GALNTL5: variants seen among roughly 807,000 people sequenced by gnomAD.
GALNTL5 encodes the protein polypeptide N-acetylgalactosaminyltransferase like 5.
In GALNTL5, 44 loss-of-function variants were observed where a neutral mutation model predicts 51.0. That is an observed-to-expected ratio of 0.86 (90% confidence interval 0.68 to 1.11). GALNTL5 has a LOEUF of 1.11. Among genes scored for constraint, GALNTL5 ranks in the 50% least tolerant of loss-of-function variants. The probability of loss-of-function intolerance (pLI) is 0.00; values close to 1 mark genes in which losing one functional copy is unlikely to be tolerated. For synonymous variants in GALNTL5, 192 were observed against 182.8 expected, an observed-to-expected ratio of 1.05 and a Z score of -0.41; for missense variants, 528 against 531.8, an observed-to-expected ratio of 0.99 and a Z score of 0.07.
intron 5 of GALNTL5, among the ~76,000 whole-genome samples, chr7:151,996,193 TC>T (rs2081497539): frequency 2.0e-5 from 3 of 151,890 alleles, no homozygotes; most frequent in Admixed American, 2.0e-4. Flanking sequence ...CACACCACAT[TC>T]TTTTTTTTTA....
At chr7:151,972,219 G>T (rs1255371043) in intron 3 of GALNTL5, among the ~76,000 whole-genome samples, 2 of 152,192 alleles carry the variant, frequency 1.3e-5, no homozygotes, top group Non-Finnish European at 2.9e-5. Context: ...CCAGGCTGAG[G>T]TGGTCTCAGA....
intron 1 of GALNTL5, among the ~76,000 whole-genome samples, chr7:151,963,793 G>T (rs751126027): frequency 3.3e-5 from 5 of 152,116 alleles, no homozygotes; most frequent in Non-Finnish European, 5.9e-5. Flanking sequence ...CTGTTCCTCT[G>T]GTTGTATGAC....
At chr7:152,013,414 T>C (rs1475966576) in intron 7 of GALNTL5, among the ~76,000 whole-genome samples, 1 of 151,852 alleles carries the variant, frequency 6.6e-6, no homozygotes, top group Non-Finnish European at 1.5e-5. Context: ...ATCAGCTAGC[T>C]TTTGCTGTAT....
chr7:151,985,357 T>C (rs1200152881), intron 4 of GALNTL5, among the ~76,000 whole-genome samples: 1 of 152,170 alleles, frequency 6.6e-6, no homozygotes, highest in East Asian at 1.9e-4. Flanking sequence ...CTTCTCCTCC[T>C]CTATCTGAGC....
intron 3 of GALNTL5, among the ~76,000 whole-genome samples, chr7:151,982,367 T>C (rs1256859665): frequency 1.3e-5 from 2 of 152,164 alleles, no homozygotes; most frequent in Non-Finnish European, 2.9e-5. Context: ...TGAGCCAAGA[T>C]GACACCATTA....
chr7:152,019,261 A>G (rs1486700083), intron 8 of GALNTL5, among the ~76,000 whole-genome samples: 1 of 152,160 alleles, frequency 6.6e-6, no homozygotes, highest in African/African-American at 2.4e-5. Flanking sequence ...TCCCTTTACT[A>G]CATCATCCCC....
At chr7:151,990,583 A>AAAAAAAAAAAAAAAG (rs1271564097) in intron 5 of GALNTL5, among the ~76,000 whole-genome samples, 1 of 145,710 alleles carries the variant, frequency 6.9e-6, no homozygotes, top group Non-Finnish European at 1.5e-5. Context: ...TCCATCTCAA[A>AAAAAAAAAAAAAAAG]AAAAAAAAAG....
At chr7:151,967,165 T>C (rs1313116104) in intron 1 of GALNTL5, 43 bp from the exon 2 acceptor site, 3 of 1,297,198 alleles carry the variant, frequency 2.3e-6, no homozygotes, top group Non-Finnish European at 3.2e-6. Flanking sequence ...CTACAAACCA[T>C]TGGAATATCT....
chr7:151,990,945 A>G (rs921492809), intron 5 of GALNTL5, among the ~76,000 whole-genome samples: 1 of 152,188 alleles, frequency 6.6e-6, no homozygotes, highest in Non-Finnish European at 1.5e-5. Flanking sequence ...TCATTTTGGA[A>G]TCTTATTATT....
chr7:152,012,882 G>T (rs143691064), intron 7 of GALNTL5, among the ~76,000 whole-genome samples: 1 of 152,044 alleles, frequency 6.6e-6, no homozygotes, highest in Non-Finnish European at 1.5e-5. Flanking sequence ...CATGAGAATC[G>T]CTTGAACCTG....
chr7:151,961,910 G>T (rs1242929190), intron 1 of GALNTL5, among the ~76,000 whole-genome samples: 1 of 151,426 alleles, frequency 6.6e-6, no homozygotes, highest in Admixed American at 6.6e-5. Context: ...AAGAAAATCA[G>T]CAGGTCCCTG....
chr7:152,014,589 T>C lies in GALNTL5; in HGVS notation c.1027-55T>C, dbSNP rs952571343. 9 of 1,525,116 alleles carry C rather than the reference T, an allele frequency of 5.9e-6. No homozygotes were observed. In the Admixed American group the frequency reaches 1.8e-4, roughly 31 times the overall value. 94.5% of individuals were successfully genotyped at this position (1,525,116 alleles called of 1,614,324 possible). A position where few individuals can be genotyped will look rare whatever the true frequency, so the allele number is the denominator to read the frequency against. ...GGCCATTATATTGGTTTAAAAGCAG[T>C]TGCCTGTTAGCAGTAATAATGCATT... On this transcript the variant is annotated intron_variant, in intron 7 of 8. Transcript: ENST00000392800.
At chr7:151,974,117 T>TTTTTTTGTGA (rs1362836180) in intron 3 of GALNTL5, among the ~76,000 whole-genome samples, 12,404 of 129,746 alleles carry the variant, frequency 0.096, 3,628 homozygotes, top group Middle Eastern at 0.16. Context: ...TTACCCAGTC[T>TTTTTTTGTGA]CAGGTGGTAT....
rs376459512 is a variant in GALNTL5, at chr7:152,007,959, A to C, written c.1026+15A>C. The C allele has an allele frequency of 5.4e-6, 7 of 1,306,072 alleles. No individual in the cohort carries two copies. The highest frequency in any genetic ancestry group is 7.8e-6 in the Non-Finnish European group (7 of 901,564). The allele number at this position is 1,306,072 out of a possible 1,614,324, so 80.9% of individuals were successfully genotyped here. ...TTTCACTAAGGGTAATTCAGATTTC[A>C]TTTTTAAAATAGCTATAGAGAGTGA... is the stretch of plus-strand genomic sequence containing the variant. On this transcript the variant is annotated intron_variant, in intron 7 of 8. Transcript: ENST00000392800.
At chr7:151,981,774 A>C (rs1231967578) in intron 3 of GALNTL5, among the ~76,000 whole-genome samples, 3 of 150,228 alleles carry the variant, frequency 2.0e-5, no homozygotes. Context: ...TAGCCTCCTA[A>C]GTAGCTGGAA....
chr7:151,983,675 G>A (rs769217315), intron 4 of GALNTL5, among the ~76,000 whole-genome samples: 2 of 152,130 alleles, frequency 1.3e-5, no homozygotes, highest in Non-Finnish European at 2.9e-5. Flanking sequence ...AAACATAGGG[G>A]CACCGGCCAC....
intron 1 of GALNTL5, among the ~76,000 whole-genome samples, chr7:151,965,743 C>T (rs1235251191): frequency 6.6e-6 from 1 of 151,856 alleles, no homozygotes; most frequent in Non-Finnish European, 1.5e-5. Flanking sequence ...AATAATTAGC[C>T]ACGCGTGGTG....
chr7:151,999,785 A>G (rs963460125), intron 5 of GALNTL5, among the ~76,000 whole-genome samples: 2 of 152,258 alleles, frequency 1.3e-5, no homozygotes, highest in East Asian at 1.9e-4. Context: ...GTGTGCTGCC[A>G]ATAGTATGAA....
intron 3 of GALNTL5, among the ~76,000 whole-genome samples, chr7:151,979,684 T>C (rs2081255203): frequency 6.6e-6 from 1 of 152,122 alleles, no homozygotes; most frequent in African/African-American, 2.4e-5. Flanking sequence ...CTTGAACTCC[T>C]GACCTCTGGT....
Sources: allele counts gnomAD v4.1 joint callset (sites outside exome capture counted in the v4.1 genomes callset), GRCh38; gene constraint gnomAD v4.1.1; transcripts MANE v1.5; gene names NCBI Gene and HGNC (gene_info 2026-07-23, HGNC 2026-07-21).